NRXN1: variants seen among roughly 807,000 people sequenced by gnomAD.
NRXN1 encodes the protein neurexin-1.
Under a neutral mutation model 150.9 loss-of-function variants are expected in NRXN1, and 39 were observed. The observed-to-expected ratio is 0.26, with a 90% CI of 0.20 to 0.34. NRXN1 has a LOEUF of 0.34. Ranked by LOEUF, NRXN1 falls within the 10% of genes least tolerant of loss-of-function variation. The pLI, the probability that NRXN1 is intolerant of heterozygous loss-of-function variation, is 1.00. For synonymous variants in NRXN1, 924 were observed against 757.0 expected, an observed-to-expected ratio of 1.22 and a Z score of -3.62; for missense variants, 1,815 against 1,949.9, an observed-to-expected ratio of 0.93 and a Z score of 1.30.
At chr2:50,526,142 A>G (rs772139037) in intron 12 of NRXN1, among the ~76,000 whole-genome samples, 15 of 151,598 alleles carry the variant, frequency 9.9e-5, no homozygotes, top group Non-Finnish European at 1.9e-4. Flanking sequence ...TGACTATAGG[A>G]AACAGCAGCA....
intron 17 of NRXN1, among the ~76,000 whole-genome samples, chr2:50,339,989 G>A (rs931618085): frequency 3.3e-5 from 5 of 152,056 alleles, no homozygotes; most frequent in African/African-American, 1.2e-4. Flanking sequence ...AAATCCAGTG[G>A]GTTTTGTTTG....
At chr2:50,611,044 G>A (rs1678031442) in intron 8 of NRXN1, among the ~76,000 whole-genome samples, 1 of 148,740 alleles carries the variant, frequency 6.7e-6, no homozygotes, top group African/African-American at 2.5e-5. Flanking sequence ...CTCCACACCT[G>A]GCCCATACTA....
intron 17 of NRXN1, among the ~76,000 whole-genome samples, chr2:50,425,357 C>T (rs1207842836): frequency 6.6e-6 from 1 of 152,140 alleles, no homozygotes; most frequent in Non-Finnish European, 1.5e-5. Context: ...GAAGTTTCAC[C>T]TTATGACTTG....
At chr2:50,785,071 A>G (rs1245047861) in intron 5 of NRXN1, among the ~76,000 whole-genome samples, 1 of 151,954 alleles carries the variant, frequency 6.6e-6, no homozygotes. Context: ...CTTTCCAAGA[A>G]GAGGAAGAGA....
intron 22 of NRXN1, 28 bp from the exon 23 acceptor site, chr2:49,922,279 C>G: frequency 6.3e-7 from 1 of 1,596,022 alleles, no homozygotes; most frequent in African/African-American, 1.3e-5. Context: ...AGAACAAACA[C>G]AAAGTGATCA....
At chr2:51,020,826 A>C (rs1367274506) in intron 2 of NRXN1, among the ~76,000 whole-genome samples, 1 of 151,960 alleles carries the variant, frequency 6.6e-6, no homozygotes, top group East Asian at 1.9e-4. Context: ...ACAAAATACA[A>C]ATAATCATGT....
intron 8 of NRXN1, among the ~76,000 whole-genome samples, chr2:50,604,022 T>C (rs75158081): frequency 0.014 from 2,122 of 152,304 alleles, 40 homozygotes; most frequent in African/African-American, 0.048. Flanking sequence ...TTGTATTTTG[T>C]ATTCTTCTTT....
In NRXN1 at chr2:50,926,758, T is replaced by C. The variant is rs138000977; in HGVS notation, c.773-803A>G. On this transcript the variant is annotated intron_variant, in intron 2 of 22. Transcript: ENST00000401669. ...AAAATATTTAGCTCAATTTCTCTTA[T>C]ATTTCTATATATCTATAAAATACCT... Among the ~76,000 whole-genome samples the C allele has an allele frequency of 1.5e-3, 231 of 152,046 alleles. No individual in the cohort carries two copies. The East Asian group carries it at 0.022, about 14-fold the overall frequency.
chr2:50,564,951 T>A (rs1466869557), intron 8 of NRXN1, among the ~76,000 whole-genome samples: 1 of 152,058 alleles, frequency 6.6e-6, no homozygotes, highest in Non-Finnish European at 1.5e-5. Context: ...CGTTAGAAAA[T>A]TTTTGGCAGC....
chr2:50,671,310 T>C (rs1688809240), intron 5 of NRXN1, among the ~76,000 whole-genome samples: 1 of 151,714 alleles, frequency 6.6e-6, no homozygotes, highest in Admixed American at 6.6e-5. Context: ...AAAAAATTAT[T>C]TTAGTGTTTA....
chr2:50,208,279 T>C (rs1190086552), intron 18 of NRXN1, among the ~76,000 whole-genome samples: 7 of 152,078 alleles, frequency 4.6e-5, no homozygotes. Flanking sequence ...CCCAGCAACT[T>C]TCTGAGATGT....
At chr2:51,004,782 C>G (rs1289246683) in intron 2 of NRXN1, among the ~76,000 whole-genome samples, 1 of 151,958 alleles carries the variant, frequency 6.6e-6, no homozygotes, top group Admixed American at 6.6e-5. Flanking sequence ...TACTGGGAGA[C>G]CACTTCTCCA....
rs146105144 is a variant in NRXN1, at chr2:50,585,466, C to T, written c.1321-32441G>A. 3.7e-3 allele frequency among the ~76,000 whole-genome samples: 561 copies of T among 152,148 alleles called. 2 individuals are homozygous for T. Among genetic ancestry groups the T allele is most frequent in the African/African-American group, 0.013 (520 of 41,520 alleles). ...TCTGTTGCTCAACAATGTGAATATA[C>T]TTAACGCTAATGAATTATATACTAA... On this transcript the variant is annotated intron_variant, in intron 8 of 22. Transcript: ENST00000401669.
chr2:50,930,782 C>T (rs1687623858), intron 2 of NRXN1, among the ~76,000 whole-genome samples: 1 of 152,122 alleles, frequency 6.6e-6, no homozygotes. Flanking sequence ...GAAATGAATG[C>T]TTCCTGATAC....
intron 5 of NRXN1, among the ~76,000 whole-genome samples, chr2:50,772,160 G>A (rs1467421530): frequency 6.6e-6 from 1 of 151,756 alleles, no homozygotes; most frequent in African/African-American, 2.4e-5. Context: ...ACTCTATGAG[G>A]TCTCCGATGT....
At chr2:50,064,413 T>C (rs1453061938) in intron 19 of NRXN1, among the ~76,000 whole-genome samples, 2 of 142,836 alleles carry the variant, frequency 1.4e-5, no homozygotes, top group African/African-American at 2.6e-5. Flanking sequence ...AGCAGAAAAA[T>C]TAATACCACG....
intron 17 of NRXN1, among the ~76,000 whole-genome samples, chr2:50,432,537 T>C (rs752622270): frequency 7.2e-5 from 11 of 152,192 alleles, no homozygotes; most frequent in African/African-American, 1.2e-4. Flanking sequence ...TATAATCTGG[T>C]ACACCCTACA....
chr2:50,145,336 C>T (rs998185113), intron 18 of NRXN1, among the ~76,000 whole-genome samples: 21 of 151,354 alleles, frequency 1.4e-4, no homozygotes, highest in African/African-American at 4.4e-4. Flanking sequence ...TTTTCCTGAA[C>T]CATTTGATGG....
chr2:50,756,812 T>A (rs1701201588), intron 5 of NRXN1, among the ~76,000 whole-genome samples: 1 of 151,822 alleles, frequency 6.6e-6, no homozygotes, highest in Non-Finnish European at 1.5e-5. Flanking sequence ...TTTACCAAAG[T>A]TGAAAGCATA....
Sources: allele counts gnomAD v4.1 joint callset (sites outside exome capture counted in the v4.1 genomes callset), GRCh38; gene constraint gnomAD v4.1.1; transcripts MANE v1.5; gene names NCBI Gene and HGNC (gene_info 2026-07-23, HGNC 2026-07-21).